SLC31A2: variants seen among roughly 807,000 people sequenced by gnomAD.
SLC31A2 encodes the protein solute carrier family 31 member 2, also known as protein SLC31A2.
In SLC31A2, 16 loss-of-function variants were observed where a neutral mutation model predicts 14.4. The ratio of observed to expected loss-of-function variants is 1.11; its 90% CI spans 0.75 to 1.69. SLC31A2 has a LOEUF of 1.69. Among genes scored for constraint, SLC31A2 ranks in the 40% most tolerant of loss-of-function variants. The pLI is 0.00. For missense variants in SLC31A2, 140 were observed against 173.9 expected (o/e 0.81, Z 1.10); for synonymous variants, 56 against 68.7 (o/e 0.82, Z 0.91).
intron 1 of SLC31A2, chr9:113,155,952 C>T: frequency 2.1e-6 from 1 of 485,232 alleles, no homozygotes; most frequent in South Asian, 1.5e-5. Flanking sequence ...TTACTATCTC[C>T]TTTGGTCCTA....
At chr9:113,157,997 C>A in intron 2 of SLC31A2, 1 of 660,762 alleles carries the variant, frequency 1.5e-6, no homozygotes, top group Non-Finnish European at 2.9e-6. Flanking sequence ...CTTACTGATC[C>A]TCACAAAGGC....
In SLC31A2 at chr9:113,151,060, C is replaced by A. The variant is rs1003011469; in HGVS notation, c.-15C>A. 1 of 1,306,494 alleles carries A rather than the reference C, an allele frequency of 7.7e-7. No homozygotes were observed. Among genetic ancestry groups the A allele is most frequent in the Non-Finnish European group, 9.8e-7 (1 of 1,020,818 alleles). The allele number at this position is 1,306,494 out of a possible 1,614,324, so 80.9% of individuals were successfully genotyped here. A position where few individuals can be genotyped will look rare whatever the true frequency, so the allele number is the denominator to read the frequency against. Reference sequence around the variant, plus strand: ...CGAGCAGACGCGGCCCTGGCGCCCGCCCTGCGCACTCACCATGGCGGTAAG... The same window carrying A: ...CGAGCAGACGCGGCCCTGGCGCCCGACCTGCGCACTCACCATGGCGGTAAG... On this transcript the variant is annotated 5_prime_UTR_variant, in exon 1 of 4. Coordinates refer to ENST00000259392, the MANE Select transcript of SLC31A2 (RefSeq NM_001860.3). The surrounding 1 kb of genome is among the most constrained non-coding windows in gnomAD (Gnocchi z 4.2).
intron 3 of SLC31A2, 146 bp downstream of exon 3, chr9:113,161,844 C>A: frequency 1.2e-6 from 1 of 841,074 alleles, no homozygotes; most frequent in Non-Finnish European, 2.0e-6. Flanking sequence ...CTACACATAG[C>A]CAAGTGAACT....
At chr9:113,154,526 G>A (rs1411546395) in intron 1 of SLC31A2, among the ~76,000 whole-genome samples, 1 of 152,236 alleles carries the variant, frequency 6.6e-6, no homozygotes, top group African/African-American at 2.4e-5. Flanking sequence ...CCTGTCTCCT[G>A]TGGCTCTGAC....
intron 2 of SLC31A2, among the ~76,000 whole-genome samples, chr9:113,159,242 T>A (rs777708046): frequency 2.6e-5 from 4 of 152,108 alleles, no homozygotes; most frequent in Non-Finnish European, 5.9e-5. Flanking sequence ...GCAATTCTCT[T>A]GCCTCAGCCT....
Position 113,151,969 on chromosome 9 carries a change from A to T in SLC31A2, c.6+889A>T, listed in dbSNP as rs199714449. ...AAACAAACAAAACAAAAAAAAAAAG[A>T]TATAGGAAGTGTATGTAGGCCATTT... On this transcript the variant is annotated intron_variant, in intron 1 of 3. Transcript: ENST00000259392. The surrounding 1 kb of genome is among the most constrained non-coding windows in gnomAD (Gnocchi z 4.2). 3 of 146,438 alleles carry T rather than the reference A, an allele frequency of 2.0e-5. No individual in the cohort carries two copies. Among genetic ancestry groups the T allele is most frequent in the Middle Eastern group, 3.6e-3 (1 of 274 alleles). 9.1% of individuals were successfully genotyped at this position (146,438 alleles called of 1,614,324 possible).
chr9:113,161,825 C>T, intron 3 of SLC31A2, 127 bp downstream of exon 3: 1 of 1,044,118 alleles, frequency 9.6e-7, no homozygotes, highest in South Asian at 1.3e-5. Flanking sequence ...CCAGGACTTG[C>T]CAAAGTGGCT....
intron 2 of SLC31A2, among the ~76,000 whole-genome samples, chr9:113,159,191 C>T (rs541493554): frequency 6.6e-5 from 10 of 152,082 alleles, no homozygotes; most frequent in Non-Finnish European, 1.2e-4. Flanking sequence ...AATGCAGTGG[C>T]GCGATCTTGG....
At chr9:113,158,373 T>A (rs1253559569) in intron 2 of SLC31A2, among the ~76,000 whole-genome samples, 1 of 152,196 alleles carries the variant, frequency 6.6e-6, no homozygotes, top group Non-Finnish European at 1.5e-5. Context: ...ATTAAATAAA[T>A]TATGGTCAGC....
In SLC31A2 at chr9:113,162,925, G is replaced by C. The variant is rs765651761; in HGVS notation, c.*8G>C. ...CTTCTCAGCACAGCTTAGCTGGTGA[G>C]GAACGTGCAGGCACTGAGGCTGGAG... On this transcript the variant is annotated 3_prime_UTR_variant, in exon 4 of 4. Coordinates refer to ENST00000259392, the MANE Select transcript of SLC31A2 (RefSeq NM_001860.3). 2.5e-6 allele frequency: 4 copies of C among 1,598,510 alleles called. No individual in the cohort carries two copies. The highest frequency in any genetic ancestry group is 1.7e-5 in the Admixed American group (1 of 58,480).
Position 113,162,846 on chromosome 9 carries a change from A to AT in SLC31A2, c.365dup (p.Leu123ProfsTer67). 1 of 1,613,410 alleles carries AT rather than the reference A, an allele frequency of 6.2e-7. No homozygotes were observed. Among genetic ancestry groups the AT allele is most frequent in the Admixed American group, 1.7e-5 (1 of 59,982 alleles). On this transcript the variant is annotated frameshift_variant, in exon 4 of 4. Coordinates refer to ENST00000259392, the MANE Select transcript of SLC31A2 (RefSeq NM_001860.3). LOFTEE classifies it high-confidence loss of function. ...GGCCGTAATGTCCTACAACACCTGG[A>AT]TTTTCCTTGGTGTGGTCTTGGGCTC...
rs1182576135 is a variant in SLC31A2, at chr9:113,162,655, G to A, written c.264-94G>A. The A allele has an allele frequency of 3.2e-5, 38 of 1,190,792 alleles. 1 individual carries two copies. In the South Asian group the frequency reaches 4.0e-4, roughly 13 times the overall value. 73.8% of individuals were successfully genotyped at this position (1,190,792 alleles called of 1,614,324 possible). On this transcript the variant is annotated intron_variant, in intron 3 of 3. Coordinates refer to ENST00000259392, the MANE Select transcript of SLC31A2 (RefSeq NM_001860.3). ...ACAAGTTATAAATCAATCGGGTCAC[G>A]TAACTCAACAGCTTTCTACTCCCTG... is the stretch of plus-strand genomic sequence containing the variant.
intron 3 of SLC31A2, chr9:113,162,253 T>A (rs1830025433): frequency 4.0e-6 from 1 of 249,136 alleles, no homozygotes; most frequent in South Asian, 4.3e-5. Context: ...ACAACTGCAC[T>A]GCAAGGGAAG....
chr9:113,163,127 G>A lies in SLC31A2; in HGVS notation c.*210G>A. The A allele has an allele frequency of 2.1e-6, 1 of 465,246 alleles. No homozygotes were observed. Among genetic ancestry groups the A allele is most frequent in the Admixed American group, 3.9e-5 (1 of 25,646 alleles). The allele number at this position is 465,246 out of a possible 1,614,324, so 28.8% of individuals were successfully genotyped here. The stretch of plus-strand genomic sequence containing the variant: ...CTCAGCCAGCCTACGTAGGGCCCAG[G>A]CATGGTCTTGTGTCTTAAGACAGCT... On this transcript the variant is annotated 3_prime_UTR_variant, in exon 4 of 4. Coordinates refer to ENST00000259392, the MANE Select transcript of SLC31A2 (RefSeq NM_001860.3).
intron 1 of SLC31A2, among the ~76,000 whole-genome samples, chr9:113,157,460 G>A (rs890644548): frequency 6.6e-6 from 1 of 152,186 alleles, no homozygotes; most frequent in African/African-American, 2.4e-5. Flanking sequence ...GTCACATCCC[G>A]AGCCAGTTGG....
At chr9:113,161,986 C>A (rs1830020985) in intron 3 of SLC31A2, 1 of 495,380 alleles carries the variant, frequency 2.0e-6, no homozygotes, top group Non-Finnish European at 3.7e-6. Flanking sequence ...GAGGTGGCCA[C>A]CCACCCTCCC....
At chr9:113,152,429 G>C (rs1486063756) in intron 1 of SLC31A2, 2 of 152,266 alleles carry the variant, frequency 1.3e-5, no homozygotes, top group South Asian at 2.1e-4. Flanking sequence ...GTGAGTCTTC[G>C]TCCCTCTGGG....
Position 113,157,644 on chromosome 9 carries a change from C to T in SLC31A2, c.7-83C>T. The T allele has an allele frequency of 2.6e-6, 3 of 1,168,584 alleles. No individual in the cohort carries two copies. The East Asian group carries it at 7.6e-5, about 30-fold the overall frequency. The allele number at this position is 1,168,584 out of a possible 1,614,324, so 72.4% of individuals were successfully genotyped here. A position where few individuals can be genotyped will look rare whatever the true frequency, so the allele number is the denominator to read the frequency against. On this transcript the variant is annotated intron_variant, in intron 1 of 3. Coordinates refer to ENST00000259392, the MANE Select transcript of SLC31A2 (RefSeq NM_001860.3). ...TCCAGTGACCCCATTTTTCTGGGCT[C>T]CCAGAGGAGGTGCTGGAGAGCATTA...
At chr9:113,156,876 G>A (rs999056499) in intron 1 of SLC31A2, among the ~76,000 whole-genome samples, 1 of 152,196 alleles carries the variant, frequency 6.6e-6, no homozygotes, top group Admixed American at 6.5e-5. Flanking sequence ...CTAGACTCAG[G>A]TTTGAATCCC....
Sources: allele counts gnomAD v4.1 joint callset (sites outside exome capture counted in the v4.1 genomes callset), GRCh38; gene constraint gnomAD v4.1.1; non-coding constraint Gnocchi (gnomAD v3.1); transcripts MANE v1.5; gene names NCBI Gene and HGNC (gene_info 2026-07-23, HGNC 2026-07-21).